The following SFSWAP variants were observed in gnomAD, a reference collection of about 807,000 sequenced individuals.
SFSWAP encodes splicing factor, suppressor of white-apricot homolog.
In SFSWAP, 17 loss-of-function variants were observed where a neutral mutation model predicts 100.7. The ratio of observed to expected loss-of-function variants is 0.17; its 90% CI spans 0.12 to 0.25. SFSWAP has a LOEUF of 0.25. SFSWAP is among the 10% of genes least tolerant of loss of function. The pLI is 1.00. For missense variants in SFSWAP, 1,005 were observed against 1,262.6 expected (o/e 0.80, Z 3.09); for synonymous variants, 504 against 510.1 (o/e 0.99, Z 0.16).
At chr12:131,767,608 C>T (rs1340886003) in intron 13 of SFSWAP, among the ~76,000 whole-genome samples, 1 of 152,204 alleles carries the variant, frequency 6.6e-6, no homozygotes, top group Non-Finnish European at 1.5e-5. Flanking sequence ...AATGGGTTTA[C>T]ATCTACAATT....
intron 13 of SFSWAP, among the ~76,000 whole-genome samples, chr12:131,770,147 T>TTAGG (rs1883468265): frequency 1.3e-5 from 2 of 152,234 alleles, no homozygotes; most frequent in African/African-American, 4.8e-5. Flanking sequence ...TAAAACAACT[T>TTAGG]CTGGGACAGG....
intron 13 of SFSWAP, among the ~76,000 whole-genome samples, chr12:131,777,464 G>A (rs943025142): frequency 1.3e-5 from 2 of 152,178 alleles, no homozygotes; most frequent in African/African-American, 2.4e-5. Flanking sequence ...CCCTACAAAG[G>A]ACATGAACTC....
At chr12:131,767,876 C>T (rs889917253) in intron 13 of SFSWAP, among the ~76,000 whole-genome samples, 2 of 152,004 alleles carry the variant, frequency 1.3e-5, no homozygotes, top group Middle Eastern at 3.2e-3. Context: ...CAAAAACCTC[C>T]CTGTTAGCTA....
rs1425762463 is a variant in SFSWAP, at chr12:131,726,148, A to G, written c.832+518A>G. Among the ~76,000 whole-genome samples the G allele has an allele frequency of 2.6e-5, 4 of 151,282 alleles. No homozygotes were observed. The Admixed American group carries it at 2.6e-4, about 10-fold the overall frequency. On this transcript the variant is annotated intron_variant, in intron 5 of 17. Coordinates refer to ENST00000261674, the MANE Select transcript of SFSWAP (RefSeq NM_004592.4). The stretch of plus-strand genomic sequence containing the variant: ...TTTTGAATAAAGATGGTATTTTGAC[A>G]AGTCTATTCATATATATGTATATAT...
intron 9 of SFSWAP, among the ~76,000 whole-genome samples, chr12:131,755,146 G>C (rs186452231): frequency 6.6e-6 from 1 of 151,972 alleles, no homozygotes; most frequent in South Asian, 2.1e-4. Context: ...AATGTCCCAC[G>C]CCTCAGTACT....
intron 3 of SFSWAP, among the ~76,000 whole-genome samples, chr12:131,716,348 C>G (rs553613348): frequency 6.6e-6 from 1 of 152,204 alleles, no homozygotes; most frequent in African/African-American, 2.4e-5. Context: ...CTACCCATCC[C>G]TCAGAAGTTA....
chr12:131,794,695 C>G lies in SFSWAP; in HGVS notation c.2535-2483C>G, dbSNP rs115330697. On this transcript the variant is annotated intron_variant, in intron 15 of 17. Transcript: ENST00000261674. The surrounding 1 kb of genome is among the most constrained non-coding windows in gnomAD (Gnocchi z 4.8). ...ACGGACTTGAAGTGGCATTGAGGAGCCTTCTGGAATGAAGGGACGCCCCTG... is the reference window on the plus strand; with the variant it reads ...ACGGACTTGAAGTGGCATTGAGGAGGCTTCTGGAATGAAGGGACGCCCCTG... Among the ~76,000 whole-genome samples the G allele has an allele frequency of 6.7e-3, 1,024 of 152,276 alleles. 14 individuals carry two copies. The highest frequency in any genetic ancestry group is 0.023 in the African/African-American group (974 of 41,554).
rs192038100 is a variant in SFSWAP, at chr12:131,791,119, G to A, written c.2534+4531G>A. ...ATTAAAGAGCAAGACCTGGCCTGGC[G>A]CGGTGGCTCATACCTGTAATCTCAG... On this transcript the variant is annotated intron_variant, in intron 15 of 17. Transcript: ENST00000261674. 6.4e-4 allele frequency among the ~76,000 whole-genome samples: 98 copies of A among 152,294 alleles called. No homozygotes were observed. In the East Asian group the frequency reaches 8.5e-3, roughly 13 times the overall value.
At chr12:131,753,893 C>T (rs2136224361) in intron 8 of SFSWAP, among the ~76,000 whole-genome samples, 1 of 152,250 alleles carries the variant, frequency 6.6e-6, no homozygotes, top group Non-Finnish European at 1.5e-5. Context: ...GAGACAGGCG[C>T]TTTACCAGTG....
At chr12:131,719,854 T>C (rs1475173223) in intron 4 of SFSWAP, among the ~76,000 whole-genome samples, 1 of 152,166 alleles carries the variant, frequency 6.6e-6, no homozygotes, top group Non-Finnish European at 1.5e-5. Flanking sequence ...AGTGGGCTGC[T>C]CCCCACACAT....
chr12:131,738,527 C>T (rs1240066318), intron 7 of SFSWAP, among the ~76,000 whole-genome samples: 1 of 152,166 alleles, frequency 6.6e-6, no homozygotes, highest in Admixed American at 6.5e-5. Flanking sequence ...AACAGAAGAG[C>T]CTGCAATCTA....
rs771562682 is a variant in SFSWAP, at chr12:131,753,100, T to G, written c.1082-23T>G. The G allele has an allele frequency of 1.1e-5, 18 of 1,613,366 alleles. No homozygotes were observed. In the Admixed American group the frequency reaches 2.2e-4, roughly 19 times the overall value. Reference sequence around the variant, plus strand: ...CCAGCCTGTGGCCGGCCATGCTCACTCCGGGGCAATGTGTCTCCACAGCGA... The same window carrying G: ...CCAGCCTGTGGCCGGCCATGCTCACGCCGGGGCAATGTGTCTCCACAGCGA... On this transcript the variant is annotated intron_variant, in intron 7 of 17. Transcript: ENST00000261674.
At chr12:131,761,436 G>C (rs10794425) in intron 11 of SFSWAP, among the ~76,000 whole-genome samples, 67,218 of 152,058 alleles carry the variant, frequency 0.44, 17,279 homozygotes, top group East Asian at 0.67. Flanking sequence ...AAATCATAGT[G>C]AGTGGTGTGC....
chr12:131,749,790 A>G (rs1168148262), intron 7 of SFSWAP, among the ~76,000 whole-genome samples: 2 of 152,212 alleles, frequency 1.3e-5, no homozygotes, highest in African/African-American at 4.8e-5. Flanking sequence ...TGTGGTCACT[A>G]TTTGGAGATA....
chr12:131,726,944 A>G lies in SFSWAP; in HGVS notation c.837A>G (p.Ser279=), dbSNP rs1314585986. 1.3e-6 allele frequency: 2 copies of G among 1,564,094 alleles called. No individual in the cohort carries two copies. Among genetic ancestry groups the G allele is most frequent in the East Asian group, 2.3e-5 (1 of 44,290 alleles). The change falls in exon 6 of 18, where the codon TCA becomes TCG. Residue 279 remains serine (S), a synonymous_variant. Transcript: ENST00000261674. The stretch of plus-strand genomic sequence containing the variant: ...GAAATGTGATTTTGATTTCAGAATC[A>G]GGAGTCAGCTCTGACAATGAAGATG... ...AENKSDEKKK[S]GVSSDNEDDD... is the part of the protein sequence containing the mutation.
chr12:131,761,572 G>A (rs1882682886), intron 11 of SFSWAP, among the ~76,000 whole-genome samples: 1 of 152,222 alleles, frequency 6.6e-6, no homozygotes, highest in Admixed American at 6.5e-5. Context: ...CAAACGTGGA[G>A]CAGTGGCCCC....
At position 131,764,671 on chromosome 12, in the gene SFSWAP, C is replaced by G; in HGVS notation, c.1936C>G (p.Leu646Val). Residue 646 changes from leucine to valine, a missense_variant, in exon 12 of 18, where the codon CTA (leucine) becomes GTA (valine). This residue lies in a region of SFSWAP where 82 missense variants were observed against 131.0 expected (regional missense o/e 0.63). Coordinates refer to ENST00000261674, the MANE Select transcript of SFSWAP (RefSeq NM_004592.4). Reference sequence around the variant, plus strand: ...GAAGCCTCAACTTACCCAGGAGGAGCTAGAAGCAAAGCAAGGTTTGTTGAT... The same window carrying G: ...GAAGCCTCAACTTACCCAGGAGGAGGTAGAAGCAAAGCAAGGTTTGTTGAT... The part of the protein sequence containing the change: ...EKKPQLTQEE[L>V]EAKQAKQKLE... 1 of 1,612,426 alleles carries G rather than the reference C, an allele frequency of 6.2e-7. No individual in the cohort carries two copies. The highest frequency in any genetic ancestry group is 8.5e-7 in the Non-Finnish European group (1 of 1,178,618).
At chr12:131,784,416 T>C (rs7305632) in intron 14 of SFSWAP, 20,685 of 152,166 alleles carry the variant, frequency 0.14, 2,044 homozygotes, top group East Asian at 0.52. Context: ...TGGTTAAATG[T>C]TGGAGAAAAG....
intron 13 of SFSWAP, among the ~76,000 whole-genome samples, chr12:131,772,179 G>T (rs1883667723): frequency 6.6e-6 from 1 of 152,170 alleles, no homozygotes; most frequent in Non-Finnish European, 1.5e-5. Flanking sequence ...CACTATCGAT[G>T]CAACGCATTC....
Sources: gnomAD v4.1 joint callset for allele counts (sites outside exome capture counted in the v4.1 genomes callset) on GRCh38, gnomAD v4.1.1 for gene constraint, gnomAD v4.1.1 regional missense constraint, Gnocchi (gnomAD v3.1) non-coding constraint, MANE v1.5 for transcripts, NCBI Gene and HGNC (gene_info 2026-07-23, HGNC 2026-07-21) for gene names.